The following NTM variants were observed in gnomAD, a reference collection of about 807,000 sequenced individuals.
NTM encodes the protein IgLON family member 2.
A neutral mutation model predicts 42.1 loss-of-function variants in NTM; 13 were observed. The ratio of observed to expected loss-of-function variants is 0.31; its 90% CI spans 0.20 to 0.49. NTM has a LOEUF of 0.49. Ranked by LOEUF, NTM falls within the 20% of genes least tolerant of loss-of-function variation. NTM has a pLI of 0.99. For synonymous variants in NTM, 187 were observed against 179.2 expected (o/e 1.04, Z -0.35); for missense variants, 373 against 452.8 (o/e 0.82, Z 1.60).
chr11:132,044,577 G>A (rs180841306), intron 2 of NTM, among the ~76,000 whole-genome samples: 3 of 152,152 alleles, frequency 2.0e-5, no homozygotes, highest in East Asian at 1.9e-4. Context: ...TGAGGTGGCC[G>A]ACAACTGAGG....
intron 1 of NTM, among the ~76,000 whole-genome samples, chr11:131,608,757 T>C (rs1022895299): frequency 6.6e-6 from 1 of 152,204 alleles, no homozygotes; most frequent in African/African-American, 2.4e-5. Context: ...TTGCTCTCTC[T>C]CTTTAAATGT....
intron 1 of NTM, among the ~76,000 whole-genome samples, chr11:131,730,068 A>T (rs1221294296): frequency 1.3e-5 from 2 of 152,182 alleles, no homozygotes; most frequent in African/African-American, 4.8e-5. Context: ...CCAGCAATGT[A>T]GGAGGGTCTC....
intron 4 of NTM, among the ~76,000 whole-genome samples, chr11:132,239,126 C>T (rs142615525): frequency 8.5e-5 from 13 of 152,266 alleles, no homozygotes; most frequent in East Asian, 7.7e-4. Context: ...TGCCGTAAGT[C>T]GGTGACTTCA....
chr11:132,326,186 A>T (rs1278659122), intron 7 of NTM, among the ~76,000 whole-genome samples: 1 of 152,044 alleles, frequency 6.6e-6, no homozygotes, highest in Non-Finnish European at 1.5e-5. Flanking sequence ...AATAAAAAAT[A>T]AAAAAAGTGG....
At chr11:131,778,123 G>T (rs1015027252) in intron 1 of NTM, among the ~76,000 whole-genome samples, 3 of 152,188 alleles carry the variant, frequency 2.0e-5, no homozygotes, top group Non-Finnish European at 4.4e-5. Context: ...AGGTAAACCT[G>T]GGCTGTTCAA....
intron 2 of NTM, among the ~76,000 whole-genome samples, chr11:131,958,436 C>G (rs1342717660): frequency 1.3e-5 from 2 of 152,130 alleles, no homozygotes; most frequent in Admixed American, 1.3e-4. Context: ...GCACTGACTT[C>G]AAGAACTTCC....
At chr11:131,949,822 T>C (rs1047774822) in intron 2 of NTM, among the ~76,000 whole-genome samples, 2 of 152,210 alleles carry the variant, frequency 1.3e-5, no homozygotes, top group African/African-American at 2.4e-5. Flanking sequence ...TGTGCTGATG[T>C]TGGATGGACA....
intron 2 of NTM, among the ~76,000 whole-genome samples, chr11:132,023,806 TGGTTTTG>T (rs1565969534): frequency 1.0e-4 from 13 of 124,658 alleles, no homozygotes; most frequent in South Asian, 2.5e-4. Flanking sequence ...TTGGTGGTGG[TGGTTTTG>T]TTGTTGTTGT....
chr11:131,794,390 TA>T, intron 1 of NTM: 1 of 705,652 alleles, frequency 1.4e-6, no homozygotes, highest in Non-Finnish European at 1.7e-6. Context: ...GCCATTAGCC[TA>T]AAACTCACCT....
intron 3 of NTM, among the ~76,000 whole-genome samples, chr11:132,161,747 C>G (rs935568867): frequency 6.6e-6 from 1 of 152,192 alleles, no homozygotes; most frequent in South Asian, 2.1e-4. Flanking sequence ...CTGCGATTCC[C>G]TCCTCCCGCA....
chr11:131,622,827 C>T (rs912481037), intron 1 of NTM, among the ~76,000 whole-genome samples: 5 of 152,284 alleles, frequency 3.3e-5, no homozygotes, highest in East Asian at 1.9e-4. Flanking sequence ...GCAATCGCAC[C>T]GACCCTCCAG....
chr11:131,387,584 A>G (rs1943482024), intron 1 of NTM, among the ~76,000 whole-genome samples: 1 of 152,216 alleles, frequency 6.6e-6, no homozygotes. Context: ...GCCTTTAGTT[A>G]ACAACAAAGT....
intron 2 of NTM, among the ~76,000 whole-genome samples, chr11:131,932,579 A>G (rs1225112914): frequency 1.3e-5 from 2 of 152,206 alleles, no homozygotes; most frequent in African/African-American, 4.8e-5. Context: ...CCCCTTCAGA[A>G]AGAATAAAAA....
chr11:131,636,314 A>G (rs371799136), intron 1 of NTM, among the ~76,000 whole-genome samples: 5 of 152,112 alleles, frequency 3.3e-5, no homozygotes, highest in African/African-American at 9.7e-5. Flanking sequence ...CTTTATATAT[A>G]GCTGTCTCTT....
At position 132,314,644 on chromosome 11, in the gene NTM, A is replaced by G. The variant is rs758163633; in HGVS notation, c.875A>G (p.Asn292Ser). The change falls in exon 7 of 9, where the codon AAC becomes AGC. Residue 292 changes from asparagine (N) to serine (S), a missense_variant. By Grantham distance (46) the Asn-to-Ser change is conservative. Coordinates refer to ENST00000683400, the MANE Select transcript of NTM (RefSeq NM_001352005.2). The stretch of plus-strand genomic sequence containing the variant: ...AATGTCTCTGAACATGACTATGGGA[A>G]CTACACTTGCGTGGCCTCCAACAAG... ...FFNVSEHDYGNYTCVASNKLG... is the reference protein window; with the variant it reads ...FFNVSEHDYGSYTCVASNKLG... 2 of 1,613,818 alleles carry G rather than the reference A, an allele frequency of 1.2e-6. No homozygotes were observed. The highest frequency in any genetic ancestry group is 8.5e-7 in the Non-Finnish European group (1 of 1,179,912).
intron 2 of NTM, among the ~76,000 whole-genome samples, chr11:132,001,795 C>CAT (rs1174406749): frequency 6.6e-6 from 1 of 151,968 alleles, no homozygotes; most frequent in Admixed American, 6.6e-5. Flanking sequence ...CACACACACA[C>CAT]ACACATACAC....
intron 7 of NTM, among the ~76,000 whole-genome samples, chr11:132,325,424 C>T (rs2095658636): frequency 6.6e-6 from 1 of 152,194 alleles, no homozygotes; most frequent in South Asian, 2.1e-4. Context: ...AAATGCTCAC[C>T]ATCACTGGCC....
At position 131,793,932 on chromosome 11, in the gene NTM, C is replaced by T. The variant is rs117670653; in HGVS notation, c.83-117632C>T. ...GGTTCTGACCATGGAACCACAAGAA[C>T]GACTAGAGTGCTGGAGGGATTGACT... On this transcript the variant is annotated intron_variant, in intron 1 of 8. Transcript: ENST00000683400. 7.6e-3 allele frequency among the ~76,000 whole-genome samples: 1,162 copies of T among 152,260 alleles called. 6 individuals are homozygous for T. The highest frequency in any genetic ancestry group is 0.013 in the Non-Finnish European group (917 of 68,026).
intron 1 of NTM, among the ~76,000 whole-genome samples, chr11:131,874,384 A>C (rs1418789661): frequency 6.6e-6 from 1 of 151,964 alleles, no homozygotes; most frequent in African/African-American, 2.4e-5. Context: ...AATTTTTTTC[A>C]ATTGTTTTTA....
Sources: allele counts gnomAD v4.1 joint callset (sites outside exome capture counted in the v4.1 genomes callset), GRCh38; gene constraint gnomAD v4.1.1; transcripts MANE v1.5; gene names NCBI Gene and HGNC (gene_info 2026-07-23, HGNC 2026-07-21).